ATP6V0A4: variants seen among roughly 807,000 people sequenced by gnomAD.
The protein encoded by ATP6V0A4 is ATPase H+ transporting V0 subunit a4.
ATP6V0A4 carries 86 observed loss-of-function variants against 107.3 expected under a neutral mutation model. The ratio of observed to expected loss-of-function variants is 0.80; its 90% confidence interval spans 0.67 to 0.96. ATP6V0A4 has a LOEUF of 0.96. Among genes scored for constraint, ATP6V0A4 ranks in the 40% least tolerant of loss-of-function variants. The pLI, the probability that ATP6V0A4 is intolerant of heterozygous loss-of-function variation, is 0.00. For missense variants in ATP6V0A4, 908 were observed against 1,045.6 expected (o/e 0.87, Z 1.81); for synonymous variants, 353 against 381.4 (o/e 0.93, Z 0.87).
At chr7:138,718,530 CG>C (rs1804240571) in intron 19 of ATP6V0A4, among the ~76,000 whole-genome samples, 1 of 48,336 alleles carries the variant, frequency 2.1e-5, no homozygotes, top group Non-Finnish European at 4.1e-5. Context: ...AGGAATGGGG[CG>C]GGTGGTGCAG....
At chr7:138,729,977 G>A (rs1584904728) in intron 17 of ATP6V0A4, among the ~76,000 whole-genome samples, 1 of 152,138 alleles carries the variant, frequency 6.6e-6, no homozygotes, top group Admixed American at 6.6e-5. Context: ...TCTGCCTCCT[G>A]GGTTCAAGCG....
chr7:138,712,456 GT>G lies in ATP6V0A4; in HGVS notation c.2258-2662del, dbSNP rs1192510080. The stretch of plus-strand genomic sequence containing the variant: ...GAGGGTAAGTTGTTATTGCAACAGA[GT>G]TTAGCCTAACCTGACCAGTGCAGGA... On this transcript the variant is annotated intron_variant, in intron 20 of 21. Coordinates refer to ENST00000310018, the MANE Select transcript of ATP6V0A4 (RefSeq NM_020632.3). 2.0e-5 allele frequency among the ~76,000 whole-genome samples: 3 copies of G among 151,936 alleles called. No homozygotes were observed. The East Asian group carries it at 5.9e-4, about 30-fold the overall frequency.
intron 15 of ATP6V0A4, among the ~76,000 whole-genome samples, chr7:138,736,834 G>A (rs2117249491): frequency 6.6e-6 from 1 of 152,054 alleles, no homozygotes; most frequent in African/African-American, 2.4e-5. Context: ...GCCTCCCAAA[G>A]TGCTGGGATT....
At chr7:138,795,061 C>G (rs1808593692) in intron 1 of ATP6V0A4, among the ~76,000 whole-genome samples, 1 of 152,066 alleles carries the variant, frequency 6.6e-6, no homozygotes, top group Non-Finnish European at 1.5e-5. Context: ...CCACGCCTGG[C>G]TAATATTTCT....
chr7:138,769,071 T>C, intron 4 of ATP6V0A4, 102 bp downstream of exon 4: 2 of 1,588,302 alleles, frequency 1.3e-6, no homozygotes, highest in Admixed American at 1.7e-5. Flanking sequence ...TCAAAAAGTA[T>C]TGCAAATAGG....
rs545406571 is a variant in ATP6V0A4, at chr7:138,739,394, T to C, written c.1572+146A>G. On this transcript the variant is annotated intron_variant, in intron 15 of 21. Transcript: ENST00000310018. The stretch of plus-strand genomic sequence containing the variant: ...GAACTTTTACTTGACTCTGGCTCTA[T>C]GTGTCACAAAAACGTCAGCAGAAGT... 3.0e-6 allele frequency: 3 copies of C among 993,866 alleles called. No individual in the cohort carries two copies. In the Admixed American group the frequency reaches 6.5e-5, roughly 21 times the overall value. The allele number at this position is 993,866 out of a possible 1,614,324, so 61.6% of individuals were successfully genotyped here.
chr7:138,768,091 C>G (rs3778692), intron 5 of ATP6V0A4, among the ~76,000 whole-genome samples: 1 of 151,906 alleles, frequency 6.6e-6, no homozygotes, highest in Non-Finnish European at 1.5e-5. Context: ...CTACCACCAC[C>G]CCCGGCTAAT....
intron 8 of ATP6V0A4, among the ~76,000 whole-genome samples, chr7:138,756,925 C>T (rs1270620289): frequency 2.0e-5 from 3 of 152,170 alleles, no homozygotes; most frequent in African/African-American, 7.2e-5. Context: ...TTAATTAACA[C>T]ACAACACCGA....
In ATP6V0A4 at chr7:138,739,645, G is replaced by A. The variant is rs1805515438; in HGVS notation, c.1479-12C>T. 2 of 1,613,872 alleles carry A rather than the reference G, an allele frequency of 1.2e-6. No homozygotes were observed. The highest frequency in any genetic ancestry group is 2.2e-5 in the East Asian group (1 of 44,876). On this transcript the variant is annotated splice_polypyrimidine_tract_variant and intron_variant, in intron 14 of 21. Transcript: ENST00000310018. Reference sequence around the variant, plus strand: ...CCATTACATGAGTACTTTAGAGGGAGAAAAGGAGAAAAACAAACAATGATC... The same window carrying A: ...CCATTACATGAGTACTTTAGAGGGAAAAAAGGAGAAAAACAAACAATGATC...
intron 19 of ATP6V0A4, among the ~76,000 whole-genome samples, chr7:138,719,246 TC>T (rs1347741240): frequency 6.6e-6 from 1 of 152,300 alleles, no homozygotes; most frequent in East Asian, 1.9e-4. Flanking sequence ...TTGTCTTGGC[TC>T]CTGGGAGGTA....
chr7:138,792,774 TTTTGTTGTTTTG>T (rs558207484), intron 1 of ATP6V0A4, among the ~76,000 whole-genome samples: 2,138 of 38,478 alleles, frequency 0.056, 84 homozygotes, highest in Non-Finnish European at 0.077. Flanking sequence ...TTGTTTTTTT[TTTTGTTGTTTTG>T]TTTTTTTTTT....
chr7:138,750,008 C>T (rs1394643735), intron 11 of ATP6V0A4, among the ~76,000 whole-genome samples: 1 of 152,180 alleles, frequency 6.6e-6, no homozygotes, highest in East Asian at 1.9e-4. Context: ...ACCTAGATTG[C>T]TCAAGCACTC....
At chr7:138,724,401 C>A (rs1211749708) in intron 18 of ATP6V0A4, among the ~76,000 whole-genome samples, 2 of 152,110 alleles carry the variant, frequency 1.3e-5, no homozygotes, top group East Asian at 3.9e-4. Flanking sequence ...ACACCCTGAC[C>A]CAAAATGTCT....
chr7:138,751,633 A>G lies in ATP6V0A4; in HGVS notation c.1029+992T>C, dbSNP rs148048872. 7.1e-3 allele frequency among the ~76,000 whole-genome samples: 1,081 copies of G among 151,898 alleles called. 24 individuals carry two copies. Among genetic ancestry groups the G allele is most frequent in the African/African-American group, 0.025 (1,030 of 41,390 alleles). On this transcript the variant is annotated intron_variant, in intron 11 of 21. Transcript: ENST00000310018. ...TATCAAAGCAGGGTCTTGGCCTGCC[A>G]GTGTGTAAGCCCTAGATCCGTTCCT...
intron 1 of ATP6V0A4, among the ~76,000 whole-genome samples, chr7:138,792,038 G>T (rs1242683444): frequency 1.3e-5 from 2 of 152,200 alleles, no homozygotes; most frequent in African/African-American, 4.8e-5. Context: ...GCCAGGTGTG[G>T]TGGCTCACGC....
chr7:138,764,638 A>T (rs1483374436), intron 5 of ATP6V0A4, among the ~76,000 whole-genome samples: 4 of 152,180 alleles, frequency 2.6e-5, no homozygotes, highest in African/African-American at 9.7e-5. Context: ...AAAGACAGGA[A>T]AGGGAAGGGA....
intron 18 of ATP6V0A4, among the ~76,000 whole-genome samples, chr7:138,722,744 CAAAAAAAAA>C (rs71169049): frequency 2.1e-4 from 7 of 33,470 alleles, no homozygotes; most frequent in Admixed American, 1.5e-3. Context: ...GACTCCATCT[CAAAAAAAAA>C]AAAAAAAAAA....
intron 5 of ATP6V0A4, among the ~76,000 whole-genome samples, chr7:138,766,248 G>A (rs1011642955): frequency 9.6e-5 from 14 of 146,360 alleles, no homozygotes; most frequent in East Asian, 2.0e-4. Flanking sequence ...TGTCACCCAC[G>A]CTGGAGTGCA....
chr7:138,706,443 C>G lies in ATP6V0A4; in HGVS notation c.*181G>C. On this transcript the variant is annotated 3_prime_UTR_variant, in exon 22 of 22. Transcript: ENST00000310018. ...GACAATATCACTTGCCAAAGTCCTT[C>G]CTCTGACGTGGTTAAGTCGTATCAA... The G allele has an allele frequency of 1.4e-6, 1 of 702,768 alleles. No homozygotes were observed. Among genetic ancestry groups the G allele is most frequent in the South Asian group, 1.7e-5 (1 of 59,000 alleles). 43.5% of individuals were successfully genotyped at this position (702,768 alleles called of 1,614,324 possible). A position where few individuals can be genotyped will look rare whatever the true frequency, so the allele number is the denominator to read the frequency against.
Sources: allele counts gnomAD v4.1 joint callset (sites outside exome capture counted in the v4.1 genomes callset), GRCh38; gene constraint gnomAD v4.1.1; transcripts MANE v1.5; gene names NCBI Gene and HGNC (gene_info 2026-07-23, HGNC 2026-07-21).